The following DLGAP2 variants were observed in gnomAD, a reference collection of about 807,000 sequenced individuals.
DLGAP2 encodes DLG associated protein 2, also known as disks large-associated protein 2.
A neutral mutation model predicts 100.3 loss-of-function variants in DLGAP2; 26 were observed. The observed-to-expected ratio is 0.26, with a 90% confidence interval of 0.19 to 0.36. The LOEUF (loss-of-function observed/expected upper bound fraction) is 0.36, where lower values mean the gene tolerates loss of function less well. DLGAP2 is among the 10% of genes least tolerant of loss of function. The pLI is 1.00. For missense variants in DLGAP2, 1,858 were observed against 1,453.2 expected, an observed-to-expected ratio of 1.28 and a Z score of -4.53; for synonymous variants, 886 against 630.1, an observed-to-expected ratio of 1.41 and a Z score of -6.08.
At chr8:1,204,919 TG>T (rs1406982012) in intron 2 of DLGAP2, among the ~76,000 whole-genome samples, 1 of 152,196 alleles carries the variant, frequency 6.6e-6, no homozygotes, top group Non-Finnish European at 1.5e-5. Context: ...GCTGTTTGCC[TG>T]GAACAGGAGC....
intron 1 of DLGAP2, chr8:883,128 G>C (rs34404373): frequency 0.23 from 35,688 of 152,510 alleles, 5,406 homozygotes; most frequent in Non-Finnish European, 0.33. Context: ...GAATGGAGTG[G>C]ATTCTTCTCT....
At chr8:1,674,418 G>T (rs1356404299) in intron 10 of DLGAP2, among the ~76,000 whole-genome samples, 2 of 152,104 alleles carry the variant, frequency 1.3e-5, no homozygotes, top group African/African-American at 4.8e-5. Flanking sequence ...CTATCCCACT[G>T]TATCACCCTC....
chr8:1,426,167 G>C (rs1003623850), intron 3 of DLGAP2, among the ~76,000 whole-genome samples: 5 of 152,174 alleles, frequency 3.3e-5, no homozygotes, highest in African/African-American at 1.2e-4. Flanking sequence ...ACATGCAGCA[G>C]GACAACTGTG....
chr8:1,598,671 T>C (rs576946918), intron 6 of DLGAP2, among the ~76,000 whole-genome samples: 2 of 152,342 alleles, frequency 1.3e-5, no homozygotes, highest in South Asian at 4.1e-4. Context: ...TATAGTGTTC[T>C]CTGATTGTAG....
chr8:1,683,848 ATATATATATGTGTG>A (rs1294153735), intron 12 of DLGAP2, among the ~76,000 whole-genome samples: 3 of 71,522 alleles, frequency 4.2e-5, no homozygotes, highest in African/African-American at 2.8e-4. Context: ...ATATATATAT[ATATATATATGTGTG>A]TGTGTGTGTG....
intron 3 of DLGAP2, among the ~76,000 whole-genome samples, chr8:1,426,756 T>C (rs992412516): frequency 1.3e-5 from 2 of 152,196 alleles, no homozygotes; most frequent in African/African-American, 4.8e-5. Context: ...AATTATGGCT[T>C]CCACGTCTTG....
intron 2 of DLGAP2, among the ~76,000 whole-genome samples, chr8:921,916 G>T (rs2129001598): frequency 6.6e-6 from 1 of 152,342 alleles, no homozygotes; most frequent in South Asian, 2.1e-4. Flanking sequence ...AGAAGAACTG[G>T]ACAGCTGCTT....
At chr8:1,330,469 C>T (rs1264370601) in intron 3 of DLGAP2, among the ~76,000 whole-genome samples, 1 of 128,204 alleles carries the variant, frequency 7.8e-6, no homozygotes, top group African/African-American at 3.0e-5. Context: ...GTGGGAGCAC[C>T]ACTTCACGAG....
intron 3 of DLGAP2, among the ~76,000 whole-genome samples, chr8:1,454,230 C>T (rs1037919262): frequency 2.0e-5 from 3 of 152,308 alleles, no homozygotes; most frequent in Admixed American, 6.5e-5. Flanking sequence ...AGGATGTCCC[C>T]GTAAGGTTTC....
At position 1,011,795 on chromosome 8, in the gene DLGAP2, C is replaced by T. The variant is rs563180514; in HGVS notation, c.73+103829C>T. On this transcript the variant is annotated intron_variant, in intron 2 of 14. Coordinates refer to ENST00000637795, the MANE Select transcript of DLGAP2 (RefSeq NM_001346810.2). ...GGGGTCTCAGTCTACACAGTGGGCC[C>T]TGGAATGAGAGTCCTCAGTCTGCAC... Among the ~76,000 whole-genome samples, 3 of 152,328 alleles carry T rather than the reference C, an allele frequency of 2.0e-5. No homozygotes were observed. The East Asian group carries it at 5.8e-4, about 29-fold the overall frequency.
chr8:1,500,739 A>T (rs73538563), intron 3 of DLGAP2, among the ~76,000 whole-genome samples: 4,824 of 152,358 alleles, frequency 0.032, 269 homozygotes, highest in African/African-American at 0.11. Context: ...ATTCTAAGAA[A>T]GTGATGTCTG....
At chr8:1,424,057 T>C (rs6983401) in intron 3 of DLGAP2, among the ~76,000 whole-genome samples, 36,590 of 152,200 alleles carry the variant, frequency 0.24, 4,551 homozygotes, top group Middle Eastern at 0.31. Context: ...GTTCTCCTCC[T>C]GTGTGAGATA....
chr8:912,932 C>T (rs764490680), intron 2 of DLGAP2, among the ~76,000 whole-genome samples: 9 of 152,084 alleles, frequency 5.9e-5, no homozygotes, highest in Non-Finnish European at 1.3e-4. Context: ...GTGTAACTTT[C>T]CTGTGGTCTT....
intron 2 of DLGAP2, among the ~76,000 whole-genome samples, chr8:1,252,637 AC>A (rs1563041301): frequency 1.3e-5 from 2 of 152,258 alleles, no homozygotes; most frequent in Non-Finnish European, 1.5e-5. Flanking sequence ...CATATTCTTG[AC>A]AAAGAGTCAT....
At chr8:1,387,795 C>A (rs1486067991) in intron 3 of DLGAP2, among the ~76,000 whole-genome samples, 1 of 152,122 alleles carries the variant, frequency 6.6e-6, no homozygotes, top group Non-Finnish European at 1.5e-5. Context: ...CTCACCTGTG[C>A]CACAATCGGA....
At chr8:1,352,521 A>G (rs1489638586) in intron 3 of DLGAP2, among the ~76,000 whole-genome samples, 3 of 152,196 alleles carry the variant, frequency 2.0e-5, no homozygotes, top group Non-Finnish European at 4.4e-5. Context: ...AAGTGCCACC[A>G]TGACATTAAT....
At chr8:973,582 C>G (rs1400073261) in intron 2 of DLGAP2, among the ~76,000 whole-genome samples, 1 of 152,248 alleles carries the variant, frequency 6.6e-6, no homozygotes, top group Non-Finnish European at 1.5e-5. Context: ...AGGCTGCAAT[C>G]TCGGCACTTT....
At chr8:1,176,919 C>T (rs1290005995) in intron 2 of DLGAP2, among the ~76,000 whole-genome samples, 1 of 152,126 alleles carries the variant, frequency 6.6e-6, no homozygotes, top group African/African-American at 2.4e-5. Flanking sequence ...GCCTTTCATG[C>T]CATGGCAGCA....
At chr8:1,259,349 A>G (rs1355966537) in intron 3 of DLGAP2, among the ~76,000 whole-genome samples, 2 of 152,146 alleles carry the variant, frequency 1.3e-5, no homozygotes, top group South Asian at 2.1e-4. Flanking sequence ...TTAACTTTCT[A>G]CGCAAGTCTC....
Sources: allele counts gnomAD v4.1 joint callset (sites outside exome capture counted in the v4.1 genomes callset), GRCh38; gene constraint gnomAD v4.1.1; transcripts MANE v1.5; gene names NCBI Gene and HGNC (gene_info 2026-07-23, HGNC 2026-07-21).